FMNL3: variants seen among roughly 807,000 people sequenced by gnomAD.
The protein encoded by FMNL3 is formin-like protein 3.
Under a neutral mutation model 119.6 loss-of-function variants are expected in FMNL3, and 57 were observed. The ratio of observed to expected loss-of-function variants is 0.48; its 90% CI spans 0.39 to 0.59. The LOEUF is 0.59. FMNL3 is among the 20% of genes least tolerant of loss of function. The pLI is 0.00. For synonymous variants in FMNL3, 491 were observed against 507.3 expected (o/e 0.97, Z 0.43); for missense variants, 1,053 against 1,323.5 (o/e 0.80, Z 3.17).
rs1941916825 is a variant in FMNL3, at chr12:49,637,040, T to C, written c.*8775A>G. The C allele has an allele frequency of 3.6e-6, 3 of 839,236 alleles. No homozygotes were observed. Among genetic ancestry groups the C allele is most frequent in the Non-Finnish European group, 5.5e-6 (3 of 549,724 alleles). 52.0% of individuals were successfully genotyped at this position (839,236 alleles called of 1,614,324 possible). ...TCCTCAATTCTGGACTGTGCTCTTC[T>C]AGGGAGACTAGATGTATGCACCACC... On this transcript the variant is annotated 3_prime_UTR_variant, in exon 26 of 26. Transcript: ENST00000335154.
chr12:49,651,346 C>T, intron 15 of FMNL3, 36 bp downstream of exon 15: 2 of 1,594,506 alleles, frequency 1.3e-6, no homozygotes, highest in South Asian at 1.1e-5. Context: ...CACCCCTGGT[C>T]CCACCAGCCC....
At chr12:49,678,963 G>A (rs760339254) in intron 1 of FMNL3, among the ~76,000 whole-genome samples, 8 of 152,116 alleles carry the variant, frequency 5.3e-5, no homozygotes, top group African/African-American at 9.7e-5. Context: ...CAGAAAAGTC[G>A]GGTGATAAAG....
chr12:49,681,672 C>T (rs910696133), intron 1 of FMNL3, among the ~76,000 whole-genome samples: 1 of 152,104 alleles, frequency 6.6e-6, no homozygotes, highest in Non-Finnish European at 1.5e-5. Context: ...ATCCTCCCAC[C>T]TTAGCCTCCA....
chr12:49,645,529 T>A lies in FMNL3; in HGVS notation c.*286A>T, dbSNP rs561910379. ...GTGGGAGAGATCTATGTGCCCTGTT[T>A]AGGCTAAGGCTGGAAATGGTTTTTC... On this transcript the variant is annotated 3_prime_UTR_variant, in exon 26 of 26. Transcript: ENST00000335154. 20 of 416,872 alleles carry A rather than the reference T, an allele frequency of 4.8e-5. No individual in the cohort carries two copies. Among genetic ancestry groups the A allele is most frequent in the African/African-American group, 4.2e-4 (20 of 47,852 alleles). The allele number at this position is 416,872 out of a possible 1,614,324, so 25.8% of individuals were successfully genotyped here. A position where few individuals can be genotyped will look rare whatever the true frequency, so the allele number is the denominator to read the frequency against.
rs1273077626 is a variant in FMNL3 at position 49,653,264 on chromosome 12, G to A, written c.1285C>T (p.Gln429Ter). ...NMMRVAELEK[Q>*]LLQREKELES... Reference sequence around the variant, plus strand: ...AGTTCCTTCTCCCGCTGTAGCAGCTGCTTCTCTAGTTCTGCCACCCGCATC... The same window carrying A: ...AGTTCCTTCTCCCGCTGTAGCAGCTACTTCTCTAGTTCTGCCACCCGCATC... Residue 429 changes from glutamine (Q) to a stop codon, truncating the protein, a stop_gained, in exon 13 of 26, where the codon CAG becomes TAG. Transcript: ENST00000335154. LOFTEE classifies it high-confidence loss of function. 2 of 1,614,114 alleles carry A rather than the reference G, an allele frequency of 1.2e-6. No homozygotes were observed. The highest frequency in any genetic ancestry group is 1.7e-6 in the Non-Finnish European group (2 of 1,180,022).
chr12:49,649,591 C>A lies in FMNL3; in HGVS notation c.2236-53G>T, dbSNP rs1051395578. 2 of 1,612,874 alleles carry A rather than the reference C, an allele frequency of 1.2e-6. No individual in the cohort carries two copies. Among genetic ancestry groups the A allele is most frequent in the African/African-American group, 2.7e-5 (2 of 74,852 alleles). On this transcript the variant is annotated intron_variant, in intron 18 of 25. Transcript: ENST00000335154. This position sits in a 1 kb window ranked among gnomAD's most constrained non-coding sequence, Gnocchi z 5.6. ...ACCCCAGGCTGAGATGGGGTAAAGACAGGGAGGGGTCAGAAGGACTGGAAG... is the reference window on the plus strand; with the variant it reads ...ACCCCAGGCTGAGATGGGGTAAAGAAAGGGAGGGGTCAGAAGGACTGGAAG...
At chr12:49,684,298 G>A (rs762268747) in intron 1 of FMNL3, among the ~76,000 whole-genome samples, 3 of 152,094 alleles carry the variant, frequency 2.0e-5, no homozygotes, top group Non-Finnish European at 2.9e-5. Flanking sequence ...CACCTCAGAG[G>A]CCCTCCTGAG....
In FMNL3 at chr12:49,640,827, G is replaced by C. The variant is rs556865918; in HGVS notation, c.*4988C>G. ...GTTAGCTTGATGAAGGGGAGAGCAT[G>C]GTGGAAAGGATGTTCCAGGTTAGGT... On this transcript the variant is annotated 3_prime_UTR_variant, in exon 26 of 26. Coordinates refer to ENST00000335154, the MANE Select transcript of FMNL3 (RefSeq NM_175736.5). 3.9e-5 allele frequency: 6 copies of C among 152,356 alleles called. No individual in the cohort carries two copies. In the East Asian group the frequency reaches 1.2e-3, roughly 29 times the overall value. 9.4% of individuals were successfully genotyped at this position (152,356 alleles called of 1,614,324 possible). A position where few individuals can be genotyped will look rare whatever the true frequency, so the allele number is the denominator to read the frequency against.
rs896657287 is a variant in FMNL3 at position 49,648,948 on chromosome 12, A to C, written c.2515+81T>G. On this transcript the variant is annotated intron_variant, in intron 21 of 25. Coordinates refer to ENST00000335154, the MANE Select transcript of FMNL3 (RefSeq NM_175736.5). The stretch of plus-strand genomic sequence containing the variant: ...CAAAAGCCAGAAACAAATGGACCCA[A>C]GTGTTCTCTCTCCTCATAGCTTCCT... The C allele has an allele frequency of 5.4e-5, 81 of 1,510,590 alleles. No individual in the cohort carries two copies. In the African/African-American group the frequency reaches 1.1e-3, roughly 20 times the overall value. 93.6% of individuals were successfully genotyped at this position (1,510,590 alleles called of 1,614,324 possible). A position where few individuals can be genotyped will look rare whatever the true frequency, so the allele number is the denominator to read the frequency against.
At chr12:49,651,489 A>G (rs746454807) in intron 14 of FMNL3, 39 bp from the exon 15 acceptor site, 25 of 1,427,002 alleles carry the variant, frequency 1.8e-5, no homozygotes, top group Non-Finnish European at 2.0e-5. Context: ...CCAGGCGTCA[A>G]GAGACTCTTC....
At chr12:49,665,139 TA>T (rs1234289652) in intron 4 of FMNL3, among the ~76,000 whole-genome samples, 1 of 151,976 alleles carries the variant, frequency 6.6e-6, no homozygotes, top group East Asian at 1.9e-4. Flanking sequence ...TACAGTTTCG[TA>T]ACACTGAGGC....
chr12:49,703,119 C>T (rs1944953630), intron 1 of FMNL3, among the ~76,000 whole-genome samples: 1 of 152,192 alleles, frequency 6.6e-6, no homozygotes, highest in African/African-American at 2.4e-5. Context: ...ATATACAGGG[C>T]TTTTTCTGGC....
chr12:49,697,430 C>A (rs755759284), intron 1 of FMNL3, among the ~76,000 whole-genome samples: 6 of 152,176 alleles, frequency 3.9e-5, no homozygotes, highest in Non-Finnish European at 7.3e-5. Flanking sequence ...AAGTGGAAGG[C>A]AAATCTCAGT....
intron 5 of FMNL3, among the ~76,000 whole-genome samples, chr12:49,660,644 G>A (rs1350660106): frequency 6.6e-6 from 1 of 152,202 alleles, no homozygotes; most frequent in Non-Finnish European, 1.5e-5. Context: ...TGGCCAAGGG[G>A]GCAAGGACAG....
At chr12:49,669,831 C>CAACAAAACAAAACAAAACAA (rs58452472) in intron 1 of FMNL3, among the ~76,000 whole-genome samples, 164 of 147,714 alleles carry the variant, frequency 1.1e-3, no homozygotes, top group African/African-American at 3.5e-3. Flanking sequence ...GATTCTATCT[C>CAACAAAACAAAACAAAACAA]AACAAAACAA....
At chr12:49,706,835 A>G (rs1176325645) in intron 1 of FMNL3, among the ~76,000 whole-genome samples, 1 of 152,152 alleles carries the variant, frequency 6.6e-6, no homozygotes, top group African/African-American at 2.4e-5. Flanking sequence ...ACTTCTCCTA[A>G]GGGTCCAGCG....
chr12:49,689,117 C>T (rs1323263915), intron 1 of FMNL3, among the ~76,000 whole-genome samples: 1 of 150,536 alleles, frequency 6.6e-6, no homozygotes, highest in African/African-American at 2.5e-5. Context: ...GATCCTAACT[C>T]AAAAAATAAT....
chr12:49,655,851 T>C (rs1394362966), intron 9 of FMNL3, among the ~76,000 whole-genome samples: 1 of 152,130 alleles, frequency 6.6e-6, no homozygotes, highest in Non-Finnish European at 1.5e-5. Context: ...CGAAGAATCC[T>C]ATGTTCAAGT....
intron 1 of FMNL3, among the ~76,000 whole-genome samples, chr12:49,675,904 C>T (rs373688575): frequency 1.3e-3 from 197 of 152,276 alleles, no homozygotes; most frequent in South Asian, 0.011. Flanking sequence ...GCTTCTCTGA[C>T]CAGCCTCATC....
Sources: gnomAD v4.1 joint callset for allele counts (sites outside exome capture counted in the v4.1 genomes callset) on GRCh38, gnomAD v4.1.1 for gene constraint, Gnocchi (gnomAD v3.1) non-coding constraint, MANE v1.5 for transcripts, NCBI Gene and HGNC (gene_info 2026-07-23, HGNC 2026-07-21) for gene names.